The following TLE2 variants were observed in gnomAD, a reference collection of about 807,000 sequenced individuals.
TLE2 encodes transducin-like enhancer protein 2.
TLE2 carries 74 observed loss-of-function variants against 97.2 expected under a neutral mutation model. The observed-to-expected ratio is 0.76, with a 90% CI of 0.63 to 0.92. The LOEUF (loss-of-function observed/expected upper bound fraction) is 0.92. TLE2 is among the 40% of genes least tolerant of loss of function. The pLI is 0.00. For synonymous variants in TLE2, 499 were observed against 432.1 expected, an observed-to-expected ratio of 1.15 and a Z score of -1.92; for missense variants, 1,038 against 1,008.7, an observed-to-expected ratio of 1.03 and a Z score of -0.39.
Position 3,015,637 on chromosome 19 carries a change from AC to A in TLE2, c.678+15del. ...CCATGCACGCCCATCCCAGTCCTGC[AC>A]CTGCCCCCACTCACATAAGGTCCTG... On this transcript the variant is annotated intron_variant, in intron 9 of 19. Coordinates refer to ENST00000262953, the MANE Select transcript of TLE2 (RefSeq NM_003260.5). The A allele has an allele frequency of 6.3e-7, 1 of 1,589,820 alleles. No homozygotes were observed. Among genetic ancestry groups the A allele is most frequent in the Non-Finnish European group, 8.6e-7 (1 of 1,167,818 alleles).
Position 3,019,218 on chromosome 19 carries a change from G to A in TLE2, c.550+65C>T, listed in dbSNP as rs1230308070. On this transcript the variant is annotated intron_variant, in intron 7 of 19. Coordinates refer to ENST00000262953, the MANE Select transcript of TLE2 (RefSeq NM_003260.5). The surrounding 1 kb of genome is among the most constrained non-coding windows in gnomAD (Gnocchi z 5.1). ...CCCTCACGCTGATGTTTGCTACCCT[G>A]GACTGCCAGTCGTCCTCCCCAGCCC... The A allele has an allele frequency of 4.1e-5, 63 of 1,530,246 alleles. No homozygotes were observed. The highest frequency in any genetic ancestry group is 5.5e-5 in the Non-Finnish European group (63 of 1,143,450). The allele number at this position is 1,530,246 out of a possible 1,614,324, so 94.8% of individuals were successfully genotyped here.
chr19:3,030,918 T>C (rs561911048), upstream of TLE2, among the ~76,000 whole-genome samples: 2 of 138,722 alleles, frequency 1.4e-5, no homozygotes, highest in South Asian at 4.6e-4. Flanking sequence ...ATCACTGCAC[T>C]CCAGCCTGGG....
chr19:3,046,412 T>C (rs918934984), upstream of TLE2, among the ~76,000 whole-genome samples: 3 of 152,174 alleles, frequency 2.0e-5, no homozygotes, highest in African/African-American at 7.2e-5. Flanking sequence ...CCGCTCCTTT[T>C]CCTCCACCCC....
chr19:3,045,620 C>T, intron 1 of TLE2: 1 of 345,738 alleles, frequency 2.9e-6, no homozygotes, highest in South Asian at 2.1e-5. Flanking sequence ...AGTTCGAGAC[C>T]AGCCTGGCCA....
At chr19:3,006,073 G>A in intron 15 of TLE2, 105 bp from the exon 16 acceptor site, 1 of 1,382,394 alleles carries the variant, frequency 7.2e-7, no homozygotes, top group Non-Finnish European at 1.0e-6. Context: ...GCCTCATCCT[G>A]ATTAGCCTGC....
At position 2,998,275 on chromosome 19, in the gene TLE2, G is replaced by GTGTGTGTA. The variant is rs796339147; in HGVS notation, c.2125-321_2125-320insTACACACA. On this transcript the variant is annotated intron_variant, in intron 19 of 19. Transcript: ENST00000262953. ...TGTGTGTGTGTGTGTGTGTGTGTGT[G>GTGTGTGTA]TAATTTTTTTTTTTTTTTGTGAGAC... Among the ~76,000 whole-genome samples, 152 of 110,336 alleles carry GTGTGTGTA rather than the reference G, an allele frequency of 1.4e-3. 1 individual carries two copies. The highest frequency in any genetic ancestry group is 3.8e-3 in the African/African-American group (136 of 35,774). 72.4% of individuals were successfully genotyped at this position (110,336 alleles called of 152,430 possible).
In TLE2 at chr19:3,006,493, C is replaced by A; in HGVS notation, c.1427G>T (p.Gly476Val). The A allele has an allele frequency of 1.2e-6, 2 of 1,609,994 alleles. No homozygotes were observed. Among genetic ancestry groups the A allele is most frequent in the Non-Finnish European group, 1.7e-6 (2 of 1,179,022 alleles). The change falls in exon 15 of 20, where the codon GGC becomes GTC. Residue 476 changes from glycine to valine, a missense_variant. Gly to Val is a moderately radical substitution (Grantham distance 109). Coordinates refer to ENST00000262953, the MANE Select transcript of TLE2 (RefSeq NM_003260.5). ...GTCCCACACCTTCACACAGCCCTTG[C>A]CGCCCGTGTACACATGCTGTGTGGA... ...SGSTQHVYTG[G>V]KGCVKVWDVG...
chr19:3,029,710 AAC>A (rs909968097), upstream of TLE2: 2 of 152,424 alleles, frequency 1.3e-5, no homozygotes, highest in East Asian at 1.9e-4. Context: ...TCTCACAGCA[AAC>A]ACTGCTTCCC....
At chr19:3,021,534 A>G (rs182944914) in intron 5 of TLE2, among the ~76,000 whole-genome samples, 256 of 152,356 alleles carry the variant, frequency 1.7e-3, no homozygotes, top group African/African-American at 5.8e-3. Flanking sequence ...AATTTTATTA[A>G]ATTTAAGTGA....
At chr19:3,043,687 G>A (rs1364784584) in intron 1 of TLE2, among the ~76,000 whole-genome samples, 2 of 152,030 alleles carry the variant, frequency 1.3e-5, no homozygotes, top group East Asian at 3.9e-4. Flanking sequence ...GCGGGCGCCT[G>A]TAGTCCCAGC....
At position 3,025,088 on chromosome 19, in the gene TLE2, A is replaced by G; in HGVS notation, c.232-6T>C. On this transcript the variant is annotated splice_region_variant and splice_polypyrimidine_tract_variant and intron_variant, in intron 4 of 19. Coordinates refer to ENST00000262953, the MANE Select transcript of TLE2 (RefSeq NM_003260.5). ...AGACGCTTCACAATCTCCGCCTGGC[A>G]GGAAGCAATGAGAGGAAGCTTGGAG... 3.1e-6 allele frequency: 5 copies of G among 1,602,600 alleles called. No homozygotes were observed. Among genetic ancestry groups the G allele is most frequent in the Non-Finnish European group, 4.3e-6 (5 of 1,174,938 alleles).
intron 1 of TLE2, among the ~76,000 whole-genome samples, chr19:3,039,044 A>G (rs1262138304): frequency 1.0e-5 from 1 of 100,018 alleles, no homozygotes; most frequent in African/African-American, 1.0e-4. Flanking sequence ...ACCACGACTC[A>G]AAAAAAAAAT....
At chr19:3,032,332 G>T (rs1214809768), upstream of TLE2, among the ~76,000 whole-genome samples, 1 of 151,972 alleles carries the variant, frequency 6.6e-6, no homozygotes, top group African/African-American at 2.4e-5. This position sits in a 1 kb window ranked among gnomAD's most constrained non-coding sequence, Gnocchi z 4.1. Context: ...CTGCCTTCTG[G>T]GCTCAGGTGA....
intron 5 of TLE2, among the ~76,000 whole-genome samples, chr19:3,022,482 T>C (rs1303344721): frequency 1.3e-5 from 2 of 150,900 alleles, no homozygotes; most frequent in Admixed American, 1.3e-4. Flanking sequence ...TGAGCTGAGA[T>C]CGTGCCATTG....
At chr19:3,043,827 CA>C (rs984267569) in intron 1 of TLE2, among the ~76,000 whole-genome samples, 1 of 112,438 alleles carries the variant, frequency 8.9e-6, no homozygotes, top group Non-Finnish European at 1.9e-5. Context: ...CAAAACAAAA[CA>C]AAAAAATTAG....
Position 3,043,947 on chromosome 19 carries a change from G to A in TLE2, c.63+1779C>T, listed in dbSNP as rs577321956. Among the ~76,000 whole-genome samples the A allele has an allele frequency of 9.5e-4, 144 of 152,216 alleles. 1 individual carries two copies. The highest frequency in any genetic ancestry group is 6.8e-3 in the Middle Eastern group (2 of 294). On this transcript the variant is annotated intron_variant, in intron 1 of 18. Transcript: ENST00000426948. ...TGCAGTGAGCCAAGATCGCACCACTGCACTCCAGCCTCGGCGACAGAGCAA... is the reference window on the plus strand; with the variant it reads ...TGCAGTGAGCCAAGATCGCACCACTACACTCCAGCCTCGGCGACAGAGCAA...
Position 3,019,634 on chromosome 19 carries a change from G to C in TLE2, c.369+65C>G. On this transcript the variant is annotated intron_variant, in intron 6 of 19. Coordinates refer to ENST00000262953, the MANE Select transcript of TLE2 (RefSeq NM_003260.5). This position sits in a 1 kb window ranked among gnomAD's most constrained non-coding sequence, Gnocchi z 5.1. ...ACCACCCCAGCTTTAACACCTCCTG[G>C]GTGGGTGCCAGGGACCTGGGAGTGG... 6.4e-7 allele frequency: 1 copy of C among 1,568,632 alleles called. No individual in the cohort carries two copies. The highest frequency in any genetic ancestry group is 1.2e-5 in the South Asian group (1 of 85,624).
intron 1 of TLE2, among the ~76,000 whole-genome samples, chr19:3,040,775 C>T (rs1401197289): frequency 6.6e-6 from 1 of 151,642 alleles, no homozygotes; most frequent in Non-Finnish European, 1.5e-5. Context: ...TAGCTGAGAC[C>T]ACAATCGTGC....
At chr19:3,006,100 G>A (rs780906862) in intron 15 of TLE2, 132 bp from the exon 16 acceptor site, 2 of 1,178,224 alleles carry the variant, frequency 1.7e-6, no homozygotes, top group Non-Finnish European at 2.5e-6. Flanking sequence ...TACCCTGATT[G>A]GCTGGTGAGC....
Sources: gnomAD v4.1 joint callset for allele counts (sites outside exome capture counted in the v4.1 genomes callset) on GRCh38, gnomAD v4.1.1 for gene constraint, Gnocchi (gnomAD v3.1) non-coding constraint, MANE v1.5 for transcripts, NCBI Gene and HGNC (gene_info 2026-07-23, HGNC 2026-07-21) for gene names.